CLEC2A: variants seen among roughly 807,000 people sequenced by gnomAD.
CLEC2A encodes keratinocyte-associated C-type lectin.
A neutral mutation model predicts 18.6 loss-of-function variants in CLEC2A; 19 were observed. That is an observed-to-expected ratio of 1.02 (90% confidence interval 0.71 to 1.50). The LOEUF (loss-of-function observed/expected upper bound fraction) is 1.50. CLEC2A is among the 40% of genes most tolerant of loss of function. The pLI is 0.00. For missense variants in CLEC2A, 190 were observed against 207.9 expected (o/e 0.91, Z 0.53); for synonymous variants, 74 against 64.0 (o/e 1.16, Z -0.75).
downstream of CLEC2A, among the ~76,000 whole-genome samples, chr12:9,911,788 A>AT (rs917306123): frequency 1.3e-5 from 2 of 151,918 alleles, no homozygotes; most frequent in Admixed American, 6.6e-5. Flanking sequence ...CCCTGGGCCC[A>AT]TTTTTTTTAA....
chr12:9,921,473 G>T (rs1479654191), intron 3 of CLEC2A, among the ~76,000 whole-genome samples: 1 of 152,056 alleles, frequency 6.6e-6, no homozygotes, highest in Non-Finnish European at 1.5e-5. Flanking sequence ...TGTAGTCCCA[G>T]CTACTCAGGA....
the CLEC2A span, among the ~76,000 whole-genome samples, chr12:9,889,263 A>T: frequency 6.6e-6 from 1 of 152,248 alleles, no homozygotes; most frequent in Non-Finnish European, 1.5e-5. Context: ...TTTCATGTAG[A>T]TTAAACAAAC....
chr12:9,889,003 T>G, the CLEC2A span, among the ~76,000 whole-genome samples: 2 of 152,156 alleles, frequency 1.3e-5, no homozygotes, highest in African/African-American at 4.8e-5. Flanking sequence ...AAATAGGGTT[T>G]TAGTGAGTCA....
chr12:9,883,242 A>T, the CLEC2A span, among the ~76,000 whole-genome samples: 1 of 152,332 alleles, frequency 6.6e-6, no homozygotes, highest in Admixed American at 6.5e-5. Flanking sequence ...CTTGATCCTA[A>T]ATCAGAAAAA....
At chr12:9,908,538 C>G (rs1046072779), downstream of CLEC2A, among the ~76,000 whole-genome samples, 6 of 152,042 alleles carry the variant, frequency 3.9e-5, no homozygotes, top group Non-Finnish European at 8.8e-5. Context: ...CTACTAAAAA[C>G]GTTATGAGTT....
chr12:9,916,756 T>C lies in CLEC2A; in HGVS notation c.354A>G (p.Leu118=). 6.4e-7 allele frequency: 1 copy of C among 1,551,558 alleles called. No homozygotes were observed. The highest frequency in any genetic ancestry group is 8.7e-7 in the Non-Finnish European group (1 of 1,146,742). The change falls in exon 4 of 5, where the codon CTA becomes CTG. Residue 118 remains leucine, a synonymous_variant. Coordinates refer to ENST00000455827, the MANE Select transcript of CLEC2A (RefSeq NM_001130711.2). ...TCCAAGAATCTCCTTGTTTCCTGCT[T>C]AGTCCAATCCAGTGCATATCAGTTC... ...YAGTDMHWIG[L]SRKQGDSWKW... is the part of the protein sequence containing the mutation.
At chr12:9,895,614 T>A, downstream of CLEC2A, 1 of 1,365,098 alleles carries the variant, frequency 7.3e-7, no homozygotes, top group Admixed American at 2.9e-5. Context: ...TATAAAAGTT[T>A]GGCTGGAGAA....
At chr12:9,885,017 G>C in the CLEC2A span, 1 of 1,289,366 alleles carries the variant, frequency 7.8e-7, no homozygotes, top group Non-Finnish European at 9.9e-7. Context: ...GACAGGGATT[G>C]ACCTGAAGTT....
chr12:9,932,128 G>C (rs542693257), intron 1 of CLEC2A, 147 bp downstream of exon 1: 6 of 614,868 alleles, frequency 9.8e-6, no homozygotes, highest in Non-Finnish European at 1.7e-5. Context: ...GCTCTAACAG[G>C]CTTCCACAAT....
the CLEC2A span, among the ~76,000 whole-genome samples, chr12:9,890,300 C>T: frequency 6.6e-5 from 10 of 152,304 alleles, no homozygotes; most frequent in Admixed American, 3.3e-4. Flanking sequence ...ACAGTTCCCA[C>T]GAGTTGGGAG....
chr12:9,899,842 C>A (rs530216107), intron 4 of CLEC2A, among the ~76,000 whole-genome samples: 11 of 152,328 alleles, frequency 7.2e-5, no homozygotes, highest in African/African-American at 2.6e-4. Flanking sequence ...CTGCATTCTG[C>A]CTCTTAACTT....
chr12:9,923,646 C>T (rs562141391), intron 2 of CLEC2A, among the ~76,000 whole-genome samples: 1 of 152,224 alleles, frequency 6.6e-6, no homozygotes, highest in African/African-American at 2.4e-5. Context: ...TATTGTGGCA[C>T]TATTCACAAT....
At chr12:9,917,408 A>G (rs1474236425) in intron 3 of CLEC2A, among the ~76,000 whole-genome samples, 1 of 152,198 alleles carries the variant, frequency 6.6e-6, no homozygotes, top group African/African-American at 2.4e-5. Context: ...ATTGAGATCA[A>G]TAGGAGAGGA....
At chr12:9,929,846 A>G (rs1863345156) in intron 1 of CLEC2A, among the ~76,000 whole-genome samples, 1 of 152,068 alleles carries the variant, frequency 6.6e-6, no homozygotes, top group Non-Finnish European at 1.5e-5. Context: ...AGATTACTCT[A>G]TTTTAGTTGC....
downstream of CLEC2A, among the ~76,000 whole-genome samples, chr12:9,908,823 G>A (rs995311917): frequency 6.6e-6 from 1 of 152,124 alleles, no homozygotes; most frequent in East Asian, 1.9e-4. Context: ...CCTTTAATAG[G>A]GGGCTTGAAG....
the CLEC2A span, among the ~76,000 whole-genome samples, chr12:9,885,523 T>C: frequency 1.3e-5 from 2 of 152,022 alleles, no homozygotes; most frequent in South Asian, 2.1e-4. Flanking sequence ...GTGTTTTACA[T>C]ATAACATGAC....
At chr12:9,900,285 C>T (rs1200796962) in intron 4 of CLEC2A, among the ~76,000 whole-genome samples, 1 of 152,192 alleles carries the variant, frequency 6.6e-6, no homozygotes, top group Non-Finnish European at 1.5e-5. Context: ...CCAGACATTG[C>T]TGGTTGCTTC....
At chr12:9,886,697 C>G in the CLEC2A span, among the ~76,000 whole-genome samples, 1 of 135,886 alleles carries the variant, frequency 7.4e-6, no homozygotes, top group Non-Finnish European at 1.5e-5. Flanking sequence ...AAGCCATGCT[C>G]TTTTTGATTG....
chr12:9,928,670 TA>T (rs946060322), intron 1 of CLEC2A, among the ~76,000 whole-genome samples: 1 of 151,830 alleles, frequency 6.6e-6, no homozygotes, highest in African/African-American at 2.4e-5. Context: ...AACAACTTGA[TA>T]AAAAAAAGAA....
Sources: gnomAD v4.1 joint callset for allele counts (sites outside exome capture counted in the v4.1 genomes callset) on GRCh38, gnomAD v4.1.1 for gene constraint, MANE v1.5 for transcripts, NCBI Gene and HGNC (gene_info 2026-07-23, HGNC 2026-07-21) for gene names.